Variants in ADGRE3 observed in about 807,000 individuals in gnomAD.
The protein encoded by ADGRE3 is EGF-like module receptor 3.
ADGRE3 carries 88 observed loss-of-function variants against 80.1 expected under a neutral mutation model. That is an observed-to-expected ratio of 1.10 (90% CI 0.93 to 1.31). The LOEUF is 1.31. Ranked by LOEUF, ADGRE3 falls within the 40% of genes most tolerant of loss-of-function variation. ADGRE3 has a pLI of 0.00. For missense variants in ADGRE3, 715 were observed against 776.5 expected (o/e 0.92, Z 0.94); for synonymous variants, 281 against 294.8 (o/e 0.95, Z 0.48).
At chr19:14,632,276 T>A (rs934006797) in intron 13 of ADGRE3, among the ~76,000 whole-genome samples, 3 of 152,218 alleles carry the variant, frequency 2.0e-5, no homozygotes, top group Admixed American at 2.0e-4. Flanking sequence ...TTAGTAACTG[T>A]TGGATTAGCA....
chr19:14,611,371 C>CTTTTTTTTTT, the ADGRE3 span, among the ~76,000 whole-genome samples: 2 of 75,972 alleles, frequency 2.6e-5, no homozygotes, highest in Admixed American at 1.8e-4. Context: ...AACTTCTATC[C>CTTTTTTTTTT]TTTTTTTTTT....
At chr19:14,652,793 A>G (rs1156508070) in intron 6 of ADGRE3, among the ~76,000 whole-genome samples, 1 of 147,442 alleles carries the variant, frequency 6.8e-6, no homozygotes, top group Non-Finnish European at 1.5e-5. Flanking sequence ...AAAAAAAGAA[A>G]AAAAAAAAAA....
intron 6 of ADGRE3, among the ~76,000 whole-genome samples, chr19:14,652,000 C>T (rs960923594): frequency 1.3e-5 from 2 of 152,024 alleles, no homozygotes; most frequent in Non-Finnish European, 2.9e-5. Flanking sequence ...TGAGATCACG[C>T]CACTGTACTC....
downstream of ADGRE3, among the ~76,000 whole-genome samples, chr19:14,617,745 C>T (rs2075090965): frequency 6.6e-6 from 1 of 151,936 alleles, no homozygotes; most frequent in Admixed American, 6.6e-5. Flanking sequence ...ATATTAAACA[C>T]CCCAGTCTTC....
rs117374816 is a variant in ADGRE3, at chr19:14,625,514, C to T, written c.1898G>A (p.Gly633Asp). The change falls in exon 15 of 16, where the codon GGT becomes GAT. Residue 633 changes from glycine (G) to aspartate (D), a missense_variant. Coordinates refer to ENST00000253673, the MANE Select transcript of ADGRE3 (RefSeq NM_032571.5). ...TACCTCACTGGGTTTTGAGTCAGGA[C>T]CCATCTTGCTGGAAAGTGTGTATGT... ...SETYTLSSKM[G>D]PDSKPSEGDV... 19,032 of 1,611,662 alleles carry T rather than the reference C, an allele frequency of 0.012. 200 individuals are homozygous for T. The highest frequency in any genetic ancestry group is 0.013 in the Non-Finnish European group (14,981 of 1,177,822).
the ADGRE3 span, chr19:14,610,093 T>C: frequency 6.2e-7 from 1 of 1,613,306 alleles, no homozygotes; most frequent in South Asian, 1.1e-5. Flanking sequence ...CCCAATAACA[T>C]CCACGATGAG....
Position 14,661,974 on chromosome 19 carries a change from TTCTC to T in ADGRE3, c.340_343del (p.Glu114ThrfsTer59), listed in dbSNP as rs1273417270. 1.2e-6 allele frequency: 2 copies of T among 1,614,040 alleles called. No individual in the cohort carries two copies. The highest frequency in any genetic ancestry group is 3.3e-5 in the Admixed American group (2 of 59,994). On this transcript the variant is annotated frameshift_variant, in exon 4 of 16. Coordinates refer to ENST00000253673, the MANE Select transcript of ADGRE3 (RefSeq NM_032571.5). LOFTEE classifies it high-confidence loss of function. ...AAAAATGTTCTTACCCTGACAGGTG[TTCTC>T]ATTGGAATTACTGAATTGTTCATTC...
the ADGRE3 span, chr19:14,611,291 A>T: frequency 6.6e-6 from 1 of 151,638 alleles, no homozygotes; most frequent in Non-Finnish European, 1.5e-5. Flanking sequence ...CAACTTTCTC[A>T]ATGTCTTGGG....
chr19:14,617,922 C>T (rs2075091942), downstream of ADGRE3, among the ~76,000 whole-genome samples: 1 of 151,922 alleles, frequency 6.6e-6, no homozygotes, highest in Non-Finnish European at 1.5e-5. Context: ...AAATAAAAAT[C>T]ATCCAGTAAA....
chr19:14,636,051 T>TTC (rs1971040091), intron 11 of ADGRE3, among the ~76,000 whole-genome samples: 1 of 58,004 alleles, frequency 1.7e-5, no homozygotes, highest in African/African-American at 4.9e-5. Flanking sequence ...CTTCCTTCCT[T>TTC]CCTTCCTTCC....
chr19:14,663,034 G>A (rs879735946), intron 3 of ADGRE3, among the ~76,000 whole-genome samples: 17 of 151,882 alleles, frequency 1.1e-4, no homozygotes, highest in Non-Finnish European at 1.8e-4. Flanking sequence ...TCAGAGTCTC[G>A]ATCTGTTGCC....
At chr19:14,624,222 G>A (rs1449266150) in intron 15 of ADGRE3, among the ~76,000 whole-genome samples, 1 of 152,024 alleles carries the variant, frequency 6.6e-6, no homozygotes, top group Admixed American at 6.6e-5. Flanking sequence ...AGCCTCCCGA[G>A]TAGCTGGGAT....
intron 8 of ADGRE3, among the ~76,000 whole-genome samples, chr19:14,645,553 G>T (rs906222708): frequency 3.3e-5 from 5 of 152,100 alleles, no homozygotes; most frequent in African/African-American, 1.2e-4. Flanking sequence ...CAGCTACTTG[G>T]GAGGCTGAGG....
rs1599611493 is a variant in ADGRE3 at position 14,633,180 on chromosome 19, A to G, written c.1551+56T>C. The G allele has an allele frequency of 4.0e-6, 6 of 1,500,196 alleles. No homozygotes were observed. The East Asian group carries it at 9.0e-5, about 23-fold the overall frequency. 92.9% of individuals were successfully genotyped at this position (1,500,196 alleles called of 1,614,324 possible). On this transcript the variant is annotated intron_variant, in intron 12 of 15. Coordinates refer to ENST00000253673, the MANE Select transcript of ADGRE3 (RefSeq NM_032571.5). ...ATGCAAGCCCCTTGTACCATCTTGT[A>G]CCCAGCACTTCTCTTGGTTCTTCCT... is the stretch of plus-strand genomic sequence containing the variant.
intron 11 of ADGRE3, among the ~76,000 whole-genome samples, chr19:14,636,177 C>CTCCT (rs1303234344): frequency 0.038 from 780 of 20,468 alleles, 226 homozygotes; most frequent in Middle Eastern, 0.14. Flanking sequence ...CTTTCCTTTC[C>CTCCT]TTCCTCTTTC....
chr19:14,633,953 T>A (rs1970962755), intron 11 of ADGRE3, among the ~76,000 whole-genome samples: 1 of 151,656 alleles, frequency 6.6e-6, no homozygotes, highest in Non-Finnish European at 1.5e-5. Context: ...ATTTTTGCAT[T>A]TTTAGTAGAG....
intron 11 of ADGRE3, among the ~76,000 whole-genome samples, chr19:14,636,080 C>CCCTT (rs1971051132): frequency 2.3e-5 from 1 of 42,622 alleles, no homozygotes; most frequent in Non-Finnish European, 4.7e-5. Context: ...CCTTTCCTTT[C>CCCTT]CCTTTCTTTC....
chr19:14,646,670 TCCCTCCCTCCCTCCCTCCCTCCC>T (rs1971410006), intron 8 of ADGRE3, among the ~76,000 whole-genome samples: 1 of 55,062 alleles, frequency 1.8e-5, no homozygotes, highest in Non-Finnish European at 3.4e-5. Context: ...CCTCCCTCCC[TCCCTCCCTCCCTCCCTCCCTCCC>T]TCCTTCCTTC....
chr19:14,615,202 C>CTTTTTTTTTTTTTTTT (rs34167082), downstream of ADGRE3, among the ~76,000 whole-genome samples: 1 of 65,634 alleles, frequency 1.5e-5, no homozygotes, highest in Non-Finnish European at 2.8e-5. Context: ...CAGCTGCCTT[C>CTTTTTTTTTTTTTTTT]TTTTTTTTTT....
Sources: gnomAD v4.1 joint callset for allele counts (sites outside exome capture counted in the v4.1 genomes callset) on GRCh38, gnomAD v4.1.1 for gene constraint, MANE v1.5 for transcripts, NCBI Gene and HGNC (gene_info 2026-07-23, HGNC 2026-07-21) for gene names.